The following TMCC2 variants were observed in gnomAD, a reference collection of about 807,000 sequenced individuals.
The protein encoded by TMCC2 is transmembrane and coiled-coil domains protein 2.
A neutral mutation model predicts 49.4 loss-of-function variants in TMCC2; 16 were observed. The ratio of observed to expected loss-of-function variants is 0.32; its 90% CI spans 0.22 to 0.49. The LOEUF is 0.49. TMCC2 is among the 20% of genes least tolerant of loss of function. The pLI, the probability that TMCC2 is intolerant of heterozygous loss-of-function variation, is 0.99. For missense variants in TMCC2, 762 were observed against 989.8 expected (o/e 0.77, Z 3.09); for synonymous variants, 397 against 434.1 (o/e 0.91, Z 1.06).
intron 1 of TMCC2, among the ~76,000 whole-genome samples, chr1:205,234,820 G>A (rs780360030): frequency 6.6e-6 from 1 of 151,872 alleles, no homozygotes; most frequent in African/African-American, 2.4e-5. Context: ...CCACCAGACC[G>A]GGCTAATTTT....
chr1:205,256,111 C>G (rs1660860753), intron 2 of TMCC2: 2 of 1,063,992 alleles, frequency 1.9e-6, no homozygotes, highest in Admixed American at 3.0e-5. Flanking sequence ...GGGCCCTTAT[C>G]TCTTCACACC....
intron 2 of TMCC2, among the ~76,000 whole-genome samples, chr1:205,244,059 G>A (rs1358552514): frequency 1.3e-5 from 2 of 152,240 alleles, no homozygotes; most frequent in African/African-American, 4.8e-5. Context: ...GTTTGGAAAT[G>A]TGCACAGGCA....
intron 1 of TMCC2, among the ~76,000 whole-genome samples, chr1:205,229,350 G>C (rs1289303275): frequency 6.6e-6 from 1 of 151,862 alleles, no homozygotes; most frequent in East Asian, 1.9e-4. Flanking sequence ...CACCACGCCC[G>C]GGTAATTTTT....
rs1668870 is a variant in TMCC2, at chr1:205,269,903, C to G, written c.1682+19C>G. On this transcript the variant is annotated intron_variant, in intron 3 of 4. Transcript: ENST00000358024. ...GCTACAGGTAGGTGCCTGCCCACCCCCTCCTGCAGCCCAGCCGGACGTGGG... is the reference window on the plus strand; with the variant it reads ...GCTACAGGTAGGTGCCTGCCCACCCGCTCCTGCAGCCCAGCCGGACGTGGG... The G allele has an allele frequency of 0.32, 512,292 of 1,598,468 alleles. 91,327 individuals carry two copies. The highest frequency in any genetic ancestry group is 0.37 in the Non-Finnish European group (431,959 of 1,170,902).
At chr1:205,246,272 T>G (rs1166447562) in intron 2 of TMCC2, among the ~76,000 whole-genome samples, 1 of 112,510 alleles carries the variant, frequency 8.9e-6, no homozygotes, top group Non-Finnish European at 1.7e-5. Context: ...AGATGGCAAA[T>G]AGAATGAGTA....
In TMCC2 at chr1:205,272,061, C is replaced by G. The variant is rs1661622743; in HGVS notation, c.2067C>G (p.Phe689Leu). Residue 689 changes from phenylalanine (F) to leucine (L), a missense_variant, in exon 5 of 5, where the codon TTC becomes TTG. Around this residue, in one of 2 missense-constraint regions of TMCC2, gnomAD observed 440 missense variants for 636.7 expected, o/e 0.69. Coordinates refer to ENST00000358024, the MANE Select transcript of TMCC2 (RefSeq NM_014858.4). ...TSTTLLVLVL[F>L]LLWKHWDSLT... The stretch of plus-strand genomic sequence containing the variant: ...CCACCCTCCTGGTCCTCGTCCTGTT[C>G]CTCCTCTGGAAGCACTGGGACTCCC... The G allele has an allele frequency of 1.2e-6, 2 of 1,614,094 alleles. No homozygotes were observed. Among genetic ancestry groups the G allele is most frequent in the Admixed American group, 3.3e-5 (2 of 60,012 alleles).
intron 1 of TMCC2, among the ~76,000 whole-genome samples, chr1:205,240,898 A>G (rs937691930): frequency 2.0e-5 from 3 of 152,224 alleles, no homozygotes; most frequent in African/African-American, 7.2e-5. Context: ...GGGGAGTCTG[A>G]TGAAGCAGGA....
At position 205,272,041 on chromosome 1, in the gene TMCC2, CTCCTGGTCCTCG is replaced by C. The variant is rs1404010636; in HGVS notation, c.2053_2064del (p.Val685_Leu688del). 6.2e-7 allele frequency: 1 copy of C among 1,614,224 alleles called. No individual in the cohort carries two copies. Among genetic ancestry groups the C allele is most frequent in the Non-Finnish European group, 8.5e-7 (1 of 1,180,038 alleles). On this transcript the variant is annotated inframe_deletion, in exon 5 of 5. Transcript: ENST00000358024. ...ACGCCTGCGCATCACCAGCACCACC[CTCCTGGTCCTCG>C]TCCTGTTCCTCCTCTGGAAGCACTG... is the stretch of plus-strand genomic sequence containing the variant.
At chr1:205,237,921 C>G (rs995706551) in intron 1 of TMCC2, among the ~76,000 whole-genome samples, 1 of 152,214 alleles carries the variant, frequency 6.6e-6, no homozygotes, top group African/African-American at 2.4e-5. Context: ...TCCTTTCTGA[C>G]TACCTTATGG....
intron 2 of TMCC2, 28 bp from the exon 3 acceptor site, chr1:205,268,922 T>G (rs1251652897): frequency 6.2e-7 from 1 of 1,605,456 alleles, no homozygotes; most frequent in African/African-American, 1.3e-5. Context: ...GGTTTACCCA[T>G]GCTTCCTCTG....
chr1:205,271,432 C>T, intron 4 of TMCC2, 177 bp downstream of exon 4: 1 of 1,048,230 alleles, frequency 9.5e-7, no homozygotes, highest in Non-Finnish European at 1.4e-6. Context: ...GTGAGCAAGA[C>T]AGGCCTGAGG....
chr1:205,266,086 A>T (rs1661312484), intron 2 of TMCC2, among the ~76,000 whole-genome samples: 1 of 150,592 alleles, frequency 6.6e-6, no homozygotes, highest in Middle Eastern at 3.4e-3. Flanking sequence ...CTAAAAATAC[A>T]AAAAATTAGC....
rs781626247 is a variant in TMCC2, at chr1:205,228,754, A to C, written c.190A>C (p.Lys64Gln). 2 of 1,606,956 alleles carry C rather than the reference A, an allele frequency of 1.2e-6. No homozygotes were observed. The highest frequency in any genetic ancestry group is 1.7e-6 in the Non-Finnish European group (2 of 1,177,662). ...AAAPNPGPRS[K>Q]PPDLKKIQQL... ...GGCGCCCAACCCAGGTCCCCGAAGC[A>C]AGCCTCCTGATTTAAAGGTGAGCGC... Residue 64 changes from lysine to glutamine, a missense_variant, in exon 1 of 5, where the codon AAG (lysine) becomes CAG (glutamine). Physicochemically the swap from Lys to Gln is moderately conservative, Grantham distance 53. Around this residue, in one of 2 missense-constraint regions of TMCC2, gnomAD observed 322 missense variants for 353.1 expected, o/e 0.91. Coordinates refer to ENST00000358024, the MANE Select transcript of TMCC2 (RefSeq NM_014858.4).
rs1369981344 is a variant in TMCC2 at position 205,272,197 on chromosome 1, T to A, written c.*73T>A. Reference sequence around the variant, plus strand: ...ACTTCTCCAGGAGGGACCCTTGGACTTCTTTGTGTGTCCAGTTTGGCCTCC... The same window carrying A: ...ACTTCTCCAGGAGGGACCCTTGGACATCTTTGTGTGTCCAGTTTGGCCTCC... On this transcript the variant is annotated 3_prime_UTR_variant, in exon 5 of 5. Transcript: ENST00000358024. 1.3e-6 allele frequency: 2 copies of A among 1,552,206 alleles called. No homozygotes were observed. The highest frequency in any genetic ancestry group is 4.6e-5 in the East Asian group (2 of 43,564).
Position 205,271,032 on chromosome 1 carries a change from G to C in TMCC2, c.1683-88G>C, listed in dbSNP as rs558756545. 1.9e-6 allele frequency: 3 copies of C among 1,550,608 alleles called. No individual in the cohort carries two copies. The African/African-American group carries it at 4.0e-5, about 21-fold the overall frequency. On this transcript the variant is annotated intron_variant, in intron 3 of 4. Coordinates refer to ENST00000358024, the MANE Select transcript of TMCC2 (RefSeq NM_014858.4). The stretch of plus-strand genomic sequence containing the variant: ...GACACGGGGGATGGGCTGAGTCATT[G>C]TTTATTGAGAGAATGAATGAATCAA...
chr1:205,261,303 C>G (rs1420962865), intron 2 of TMCC2, among the ~76,000 whole-genome samples: 3 of 149,444 alleles, frequency 2.0e-5, no homozygotes, highest in Non-Finnish European at 4.4e-5. Context: ...CTCCTGGGCT[C>G]AAGCCATCCT....
intron 1 of TMCC2, among the ~76,000 whole-genome samples, chr1:205,233,487 G>T (rs1031343630): frequency 5.3e-5 from 8 of 152,330 alleles, no homozygotes; most frequent in African/African-American, 1.9e-4. Flanking sequence ...TGAGTCCTGT[G>T]TGGTTCTCCC....
intron 1 of TMCC2, among the ~76,000 whole-genome samples, chr1:205,232,589 G>A (rs1015317670): frequency 6.6e-6 from 1 of 152,170 alleles, no homozygotes; most frequent in African/African-American, 2.4e-5. Flanking sequence ...GAGGAGAGGT[G>A]GGGCTTAGGG....
chr1:205,242,139 C>G, intron 2 of TMCC2, 95 bp downstream of exon 2: 2 of 1,332,856 alleles, frequency 1.5e-6, no homozygotes, highest in Non-Finnish European at 2.0e-6. Context: ...GGGGCCCTCC[C>G]TGGCAGATAC....
Sources: allele counts gnomAD v4.1 joint callset (sites outside exome capture counted in the v4.1 genomes callset), GRCh38; gene constraint gnomAD v4.1.1; regional missense constraint gnomAD v4.1.1; transcripts MANE v1.5; gene names NCBI Gene and HGNC (gene_info 2026-07-23, HGNC 2026-07-21).